The following RCOR3 variants were observed in gnomAD, a reference collection of about 807,000 sequenced individuals.
RCOR3 encodes REST corepressor 3.
A neutral mutation model predicts 64.1 loss-of-function variants in RCOR3; 13 were observed. The observed-to-expected ratio is 0.20, with a 90% CI of 0.13 to 0.32. RCOR3 has a LOEUF of 0.32. RCOR3 is among the 10% of genes least tolerant of loss of function. The pLI, the probability that RCOR3 is intolerant of heterozygous loss-of-function variation, is 1.00. For synonymous variants in RCOR3, 215 were observed against 239.0 expected (o/e 0.90, Z 0.93); for missense variants, 489 against 701.2 (o/e 0.70, Z 3.42).
chr1:211,274,323 C>A, intron 4 of RCOR3, 61 bp downstream of exon 4: 4 of 1,182,408 alleles, frequency 3.4e-6, no homozygotes, highest in Non-Finnish European at 5.0e-6. Context: ...TCTAGATTAT[C>A]TCATGATAGT....
intron 8 of RCOR3, among the ~76,000 whole-genome samples, chr1:211,290,273 C>G (rs778016246): frequency 5.3e-5 from 8 of 152,136 alleles, no homozygotes; most frequent in Non-Finnish European, 1.5e-5. Flanking sequence ...AGCTATAGTT[C>G]CAGCTGCCTG....
rs1424437575 is a variant in RCOR3, at chr1:211,314,808, T to C, written c.*1040T>C. 6.6e-6 allele frequency: 1 copy of C among 152,186 alleles called. No individual in the cohort carries two copies. Among genetic ancestry groups the C allele is most frequent in the African/African-American group, 2.4e-5 (1 of 41,444 alleles). 9.4% of individuals were successfully genotyped at this position (152,186 alleles called of 1,614,324 possible). ...TGCATTTAATATGAAAGGTGTTTTA[T>C]TGATAAATCTATTGTACTATTTGGA... On this transcript the variant is annotated 3_prime_UTR_variant, in exon 12 of 12. Coordinates refer to ENST00000419091, the MANE Select transcript of RCOR3 (RefSeq NM_001136223.3).
chr1:211,284,450 A>G (rs908162074), intron 7 of RCOR3, among the ~76,000 whole-genome samples: 2 of 151,950 alleles, frequency 1.3e-5, no homozygotes, highest in Non-Finnish European at 2.9e-5. Context: ...CTCTTTTTAC[A>G]TTGAAGTCCT....
intron 7 of RCOR3, among the ~76,000 whole-genome samples, chr1:211,284,135 G>C (rs1698204337): frequency 1.3e-5 from 2 of 151,518 alleles, no homozygotes; most frequent in Non-Finnish European, 3.0e-5. Context: ...CTCGCTGCAA[G>C]CCCTACCTGC....
intron 7 of RCOR3, among the ~76,000 whole-genome samples, chr1:211,285,206 C>T (rs1571898294): frequency 1.3e-5 from 2 of 152,174 alleles, no homozygotes; most frequent in East Asian, 1.9e-4. Flanking sequence ...TTAGTATCAC[C>T]AATATAATTT....
intron 2 of RCOR3, 88 bp downstream of exon 2, chr1:211,260,252 G>A (rs1392535955): frequency 1.6e-6 from 2 of 1,245,298 alleles, no homozygotes; most frequent in Non-Finnish European, 1.2e-6. Context: ...GCATGGGGCC[G>A]GGAGGGGATG....
At position 211,312,694 on chromosome 1, in the gene RCOR3, G is replaced by C. The variant is rs1320841634; in HGVS notation, c.1076-26G>C. ...CAGCTCTCCTTATTGATCCTTCACA[G>C]GTGTATTATTTACTTTGCCTTCCAG... On this transcript the variant is annotated intron_variant, in intron 10 of 11. Coordinates refer to ENST00000419091, the MANE Select transcript of RCOR3 (RefSeq NM_001136223.3). This position sits in a 1 kb window ranked among gnomAD's most constrained non-coding sequence, Gnocchi z 5.0. 6.7e-7 allele frequency: 1 copy of C among 1,502,324 alleles called. No homozygotes were observed. The highest frequency in any genetic ancestry group is 9.3e-7 in the Non-Finnish European group (1 of 1,078,856). The allele number at this position is 1,502,324 out of a possible 1,614,324, so 93.1% of individuals were successfully genotyped here.
rs765775398 is a variant in RCOR3, at chr1:211,315,507, A to G, written c.*1739A>G. 5.3e-5 allele frequency: 8 copies of G among 152,232 alleles called. No homozygotes were observed. Among genetic ancestry groups the G allele is most frequent in the South Asian group, 2.1e-4 (1 of 4,834 alleles). The allele number at this position is 152,232 out of a possible 1,614,324, so 9.4% of individuals were successfully genotyped here. ...GAATTTAGCTGATTTAAAATTCTTA[A>G]TATTCAAGAATTTATACTTATTTTT... On this transcript the variant is annotated 3_prime_UTR_variant, in exon 12 of 12. Transcript: ENST00000419091.
In RCOR3 at chr1:211,288,200, G is replaced by T. The variant is rs1264961654; in HGVS notation, c.721-978G>T. ...GCACTTAGCCTGGGTGACAGAGTGAGACCCTGTCTCAAAAAAAAAAAAAAT... is the reference window on the plus strand; with the variant it reads ...GCACTTAGCCTGGGTGACAGAGTGATACCCTGTCTCAAAAAAAAAAAAAAT... On this transcript the variant is annotated intron_variant, in intron 7 of 11. Coordinates refer to ENST00000419091, the MANE Select transcript of RCOR3 (RefSeq NM_001136223.3). 2.7e-5 allele frequency among the ~76,000 whole-genome samples: 4 copies of T among 150,080 alleles called. No individual in the cohort carries two copies. In the East Asian group the frequency reaches 7.8e-4, roughly 29 times the overall value.
chr1:211,277,321 T>G (rs1307588826), intron 5 of RCOR3, among the ~76,000 whole-genome samples: 1 of 152,074 alleles, frequency 6.6e-6, no homozygotes, highest in Non-Finnish European at 1.5e-5. Flanking sequence ...TATATCTAGG[T>G]GTCTTCCATA....
chr1:211,314,750 CT>C lies in RCOR3; in HGVS notation c.*984del, dbSNP rs1020774694. The C allele has an allele frequency of 6.6e-6, 1 of 152,110 alleles. No homozygotes were observed. Among genetic ancestry groups the C allele is most frequent in the Non-Finnish European group, 1.5e-5 (1 of 67,978 alleles). The allele number at this position is 152,110 out of a possible 1,614,324, so 9.4% of individuals were successfully genotyped here. ...ACCCTTTACATGTTTGGTTTCTGAA[CT>C]TAAAATTGCCCTCATACTTAATAAT... On this transcript the variant is annotated 3_prime_UTR_variant, in exon 12 of 12. Transcript: ENST00000419091.
In RCOR3 at chr1:211,315,915, A is replaced by C. The variant is rs959540449; in HGVS notation, c.*2147A>C. The C allele has an allele frequency of 6.6e-6, 1 of 152,212 alleles. No homozygotes were observed. Among genetic ancestry groups the C allele is most frequent in the African/African-American group, 2.4e-5 (1 of 41,452 alleles). The allele number at this position is 152,212 out of a possible 1,614,324, so 9.4% of individuals were successfully genotyped here. The stretch of plus-strand genomic sequence containing the variant: ...TTATTGTGTGCTTTGCATATTTTGT[A>C]AATATTTTGCACGTCATTATTTTTC... On this transcript the variant is annotated 3_prime_UTR_variant, in exon 12 of 12. Transcript: ENST00000419091.
At chr1:211,273,300 A>T (rs1696494935) in intron 3 of RCOR3, among the ~76,000 whole-genome samples, 1 of 152,206 alleles carries the variant, frequency 6.6e-6, no homozygotes, top group Non-Finnish European at 1.5e-5. Context: ...ACAACTATTT[A>T]GAGTGAGGAA....
intron 2 of RCOR3, among the ~76,000 whole-genome samples, chr1:211,270,917 G>A (rs577759577): frequency 2.0e-5 from 3 of 150,780 alleles, no homozygotes; most frequent in Non-Finnish European, 4.4e-5. Context: ...GTGCAGTGGC[G>A]CATCTCAGCT....
chr1:211,308,673 GTTTTTTTT>G (rs545513442), intron 10 of RCOR3, among the ~76,000 whole-genome samples: 7 of 40,488 alleles, frequency 1.7e-4, no homozygotes, highest in Non-Finnish European at 3.8e-4. Flanking sequence ...TTTTTTTTTT[GTTTTTTTT>G]TTGTTTTTTT....
At chr1:211,294,559 C>A (rs1260200468) in intron 8 of RCOR3, among the ~76,000 whole-genome samples, 1 of 150,890 alleles carries the variant, frequency 6.6e-6, no homozygotes, top group Non-Finnish European at 1.5e-5. Flanking sequence ...TTTTGCATAG[C>A]ACACACTGAC....
chr1:211,312,844 G>A lies in RCOR3; in HGVS notation c.1200G>A (p.Gln400=). The A allele has an allele frequency of 1.2e-6, 2 of 1,614,186 alleles. No individual in the cohort carries two copies. Among genetic ancestry groups the A allele is most frequent in the Non-Finnish European group, 1.7e-6 (2 of 1,180,026 alleles). ...RRRFNLEEVL[Q]EWEAEQGTQA... ...GGTTTAACTTAGAGGAGGTATTGCAGGAGTGGGAAGCAGAACAAGGAACCC... is the reference window on the plus strand; with the variant it reads ...GGTTTAACTTAGAGGAGGTATTGCAAGAGTGGGAAGCAGAACAAGGAACCC... The change falls in exon 11 of 12, where the codon CAG becomes CAA. Residue 400 remains glutamine (Q), a synonymous_variant. Transcript: ENST00000419091. The surrounding 1 kb of genome is among the most constrained non-coding windows in gnomAD (Gnocchi z 5.0).
chr1:211,306,517 T>G (rs1700866669), intron 10 of RCOR3, among the ~76,000 whole-genome samples: 1 of 152,200 alleles, frequency 6.6e-6, no homozygotes, highest in South Asian at 2.1e-4. Flanking sequence ...TGTTAAATGC[T>G]TTATTTTATC....
intron 2 of RCOR3, among the ~76,000 whole-genome samples, chr1:211,268,816 TTTC>T (rs1161833289): frequency 3.9e-5 from 6 of 152,198 alleles, no homozygotes; most frequent in African/African-American, 1.2e-4. Flanking sequence ...TTTGGTAGTG[TTTC>T]TTCTTTCAGT....
Sources: allele counts gnomAD v4.1 joint callset (sites outside exome capture counted in the v4.1 genomes callset), GRCh38; gene constraint gnomAD v4.1.1; non-coding constraint Gnocchi (gnomAD v3.1); transcripts MANE v1.5; gene names NCBI Gene and HGNC (gene_info 2026-07-23, HGNC 2026-07-21).